Variants in MYRIP observed in about 807,000 individuals in gnomAD.
MYRIP encodes myosin VIIA and Rab interacting protein.
MYRIP carries 49 observed loss-of-function variants against 98.0 expected under a neutral mutation model. The ratio of observed to expected loss-of-function variants is 0.50; its 90% confidence interval spans 0.40 to 0.63. The LOEUF (loss-of-function observed/expected upper bound fraction) is 0.63, where lower values mean the gene tolerates loss of function less well. Ranked by LOEUF, MYRIP falls within the 30% of genes least tolerant of loss-of-function variation. The pLI is 0.00. For missense variants in MYRIP, 1,004 were observed against 1,058.2 expected, an observed-to-expected ratio of 0.95 and a Z score of 0.71; for synonymous variants, 404 against 409.5, an observed-to-expected ratio of 0.99 and a Z score of 0.16.
chr3:40,172,642 T>G (rs1950642736), intron 8 of MYRIP, among the ~76,000 whole-genome samples: 1 of 152,192 alleles, frequency 6.6e-6, no homozygotes, highest in African/African-American at 2.4e-5. Flanking sequence ...CACTGTGTTT[T>G]GGTCAGCAAG....
rs139505115 is a variant in MYRIP, at chr3:39,849,470, G to C, written c.-31+39554G>C. Among the ~76,000 whole-genome samples the C allele has an allele frequency of 2.7e-3, 408 of 152,286 alleles. 3 individuals carry two copies. Among genetic ancestry groups the C allele is most frequent in the African/African-American group, 9.3e-3 (388 of 41,556 alleles). Reference sequence around the variant, plus strand: ...TGGCAAGTTGTTTTCTCCGGTCCACGGGATGTGATGGATGACCTGGGGAGA... The same window carrying C: ...TGGCAAGTTGTTTTCTCCGGTCCACCGGATGTGATGGATGACCTGGGGAGA... On this transcript the variant is annotated intron_variant, in intron 1 of 16. Coordinates refer to ENST00000302541, the MANE Select transcript of MYRIP (RefSeq NM_015460.4).
chr3:40,010,658 A>G (rs564623765), intron 2 of MYRIP, among the ~76,000 whole-genome samples: 1 of 152,242 alleles, frequency 6.6e-6, no homozygotes, highest in African/African-American at 2.4e-5. Flanking sequence ...ATGTTTCTAC[A>G]TGCTCTACTA....
chr3:40,206,643 T>A (rs147683296), intron 10 of MYRIP, among the ~76,000 whole-genome samples: 78 of 152,302 alleles, frequency 5.1e-4, no homozygotes, highest in African/African-American at 1.9e-3. Context: ...TTCCCCAGTG[T>A]GTTACAATTG....
intron 3 of MYRIP, among the ~76,000 whole-genome samples, chr3:40,052,969 C>A (rs777719947): frequency 6.6e-6 from 1 of 152,104 alleles, no homozygotes; most frequent in Non-Finnish European, 1.5e-5. Flanking sequence ...AATATACAAT[C>A]AATGATATTA....
At chr3:39,833,867 A>G (rs1941545547) in intron 1 of MYRIP, among the ~76,000 whole-genome samples, 1 of 152,132 alleles carries the variant, frequency 6.6e-6, no homozygotes, top group South Asian at 2.1e-4. Context: ...CTAAAAATAC[A>G]AAAAATTCGC....
intron 3 of MYRIP, among the ~76,000 whole-genome samples, chr3:40,115,790 A>G (rs1471908090): frequency 6.6e-6 from 1 of 151,484 alleles, no homozygotes; most frequent in East Asian, 1.9e-4. Context: ...CCTGGTTCAC[A>G]GTTCTTTTTT....
chr3:40,196,603 C>G (rs1375774003), intron 10 of MYRIP, among the ~76,000 whole-genome samples: 3 of 152,132 alleles, frequency 2.0e-5, no homozygotes, highest in African/African-American at 7.2e-5. Flanking sequence ...TTTGTTGAGA[C>G]TGCCTTTATG....
intron 3 of MYRIP, among the ~76,000 whole-genome samples, chr3:40,050,698 T>C (rs1468776978): frequency 1.3e-5 from 2 of 152,124 alleles, no homozygotes; most frequent in Non-Finnish European, 2.9e-5. Flanking sequence ...CTTGGCAAAG[T>C]AAATTGAAAA....
At chr3:39,967,472 T>C (rs1945468722) in intron 2 of MYRIP, among the ~76,000 whole-genome samples, 1 of 152,206 alleles carries the variant, frequency 6.6e-6, no homozygotes, top group Non-Finnish European at 1.5e-5. Context: ...CATATTTTCT[T>C]TATCCAGCCT....
rs142744153 is a variant in MYRIP at position 39,889,525 on chromosome 3, G to C, written c.-30-11262G>C. ...AGGGGAACATCACACTCTGGGGACCGTTGTGGGGTGGGGGTAGGGAGGAGG... is the reference window on the plus strand; with the variant it reads ...AGGGGAACATCACACTCTGGGGACCCTTGTGGGGTGGGGGTAGGGAGGAGG... On this transcript the variant is annotated intron_variant, in intron 1 of 16. Transcript: ENST00000302541. 2.6e-5 allele frequency among the ~76,000 whole-genome samples: 4 copies of C among 152,226 alleles called. 1 individual carries two copies. In the South Asian group the frequency reaches 8.3e-4, roughly 32 times the overall value.
At chr3:39,814,007 A>T (rs558414969) in intron 1 of MYRIP, among the ~76,000 whole-genome samples, 1 of 152,182 alleles carries the variant, frequency 6.6e-6, no homozygotes, top group Non-Finnish European at 1.5e-5. Flanking sequence ...GATATGCCAC[A>T]GTTTATATAT....
chr3:40,249,575 G>C (rs1033726892), intron 13 of MYRIP, among the ~76,000 whole-genome samples: 1 of 152,134 alleles, frequency 6.6e-6, no homozygotes, highest in African/African-American at 2.4e-5. Flanking sequence ...CTGGAGACAG[G>C]GGAGGACCAG....
At chr3:40,130,842 A>T (rs1949623123) in intron 3 of MYRIP, among the ~76,000 whole-genome samples, 1 of 151,700 alleles carries the variant, frequency 6.6e-6, no homozygotes, top group African/African-American at 2.4e-5. Context: ...TTCCCTCCAA[A>T]CCTGATCCTC....
chr3:40,098,196 TAA>T (rs1410461915), intron 3 of MYRIP, among the ~76,000 whole-genome samples: 1 of 152,238 alleles, frequency 6.6e-6, no homozygotes, highest in Non-Finnish European at 1.5e-5. Context: ...AGAAGTGCAT[TAA>T]GTTTGCATTT....
chr3:39,848,173 G>A (rs1312072108), intron 1 of MYRIP, among the ~76,000 whole-genome samples: 1 of 152,144 alleles, frequency 6.6e-6, no homozygotes, highest in African/African-American at 2.4e-5. Context: ...GGAGCCACAC[G>A]GGTGTAGTGT....
At chr3:40,212,133 T>TATATACAC (rs1951956281) in intron 11 of MYRIP, among the ~76,000 whole-genome samples, 1 of 1,864 alleles carries the variant, frequency 5.4e-4, no homozygotes, top group African/African-American at 8.4e-4. Flanking sequence ...TATACGTGTA[T>TATATACAC]ATATATATAC....
At chr3:39,839,611 T>G (rs1033421578) in intron 1 of MYRIP, among the ~76,000 whole-genome samples, 2 of 152,216 alleles carry the variant, frequency 1.3e-5, no homozygotes, top group Non-Finnish European at 2.9e-5. Flanking sequence ...TTTCCTGCTT[T>G]CTTCTGTGGG....
intron 13 of MYRIP, among the ~76,000 whole-genome samples, chr3:40,244,919 C>T (rs1261058071): frequency 6.6e-6 from 1 of 152,188 alleles, no homozygotes; most frequent in African/African-American, 2.4e-5. Flanking sequence ...ACTCCAAGAC[C>T]ATCCTTTTCT....
intron 1 of MYRIP, among the ~76,000 whole-genome samples, chr3:39,890,285 C>A (rs1943450661): frequency 1.3e-5 from 2 of 152,162 alleles, no homozygotes; most frequent in Admixed American, 6.6e-5. Flanking sequence ...TGCCTTTTGG[C>A]ATAATTTTTG....
Sources: allele counts gnomAD v4.1 joint callset (sites outside exome capture counted in the v4.1 genomes callset), GRCh38; gene constraint gnomAD v4.1.1; transcripts MANE v1.5; gene names NCBI Gene and HGNC (gene_info 2026-07-23, HGNC 2026-07-21).